The following HERC6 variants were observed in gnomAD, a reference collection of about 807,000 sequenced individuals.
The protein encoded by HERC6 is probable E3 ubiquitin-protein ligase HERC6.
In HERC6, 101 loss-of-function variants were observed where a neutral mutation model predicts 114.5. That is an observed-to-expected ratio of 0.88 (90% CI 0.75 to 1.04). HERC6 has a LOEUF of 1.04. Ranked by LOEUF, HERC6 falls within the 50% of genes least tolerant of loss-of-function variation. The pLI, the probability that HERC6 is intolerant of heterozygous loss-of-function variation, is 0.00. For missense variants in HERC6, 1,133 were observed against 1,230.9 expected, an observed-to-expected ratio of 0.92 and a Z score of 1.19; for synonymous variants, 408 against 436.2, an observed-to-expected ratio of 0.94 and a Z score of 0.81.
intron 13 of HERC6, among the ~76,000 whole-genome samples, chr4:88,420,664 T>C (rs747735352): frequency 1.3e-5 from 2 of 152,124 alleles, no homozygotes; most frequent in Admixed American, 6.6e-5. Context: ...AAATATACAA[T>C]GTCATGCCTG....
At chr4:88,381,657 A>G (rs1734331188) in intron 1 of HERC6, among the ~76,000 whole-genome samples, 2 of 150,164 alleles carry the variant, frequency 1.3e-5, no homozygotes, top group African/African-American at 4.9e-5. Flanking sequence ...TCCCCAGTTC[A>G]AACGGTTCTT....
Position 88,405,630 on chromosome 4 carries a change from A to T in HERC6, c.1274+17A>T. 3 of 1,275,862 alleles carry T rather than the reference A, an allele frequency of 2.4e-6. No homozygotes were observed. The highest frequency in any genetic ancestry group is 1.5e-5 in the African/African-American group (1 of 66,908). The allele number at this position is 1,275,862 out of a possible 1,614,324, so 79.0% of individuals were successfully genotyped here. ...AAAGAAAAGGTAATACTTACATAAG[A>T]TTTACCTTCATTTAAAACACTGGAA... On this transcript the variant is annotated intron_variant, in intron 10 of 22. Transcript: ENST00000264346.
At chr4:88,425,376 G>A (rs1185623707) in intron 15 of HERC6, among the ~76,000 whole-genome samples, 2 of 152,020 alleles carry the variant, frequency 1.3e-5, no homozygotes, top group African/African-American at 4.8e-5. Flanking sequence ...GTTATTTAAT[G>A]TTCTAGTCCT....
intron 22 of HERC6, among the ~76,000 whole-genome samples, chr4:88,441,732 G>A (rs149060831): frequency 6.6e-6 from 1 of 152,154 alleles, no homozygotes; most frequent in Non-Finnish European, 1.5e-5. Context: ...ATAAGCCCAA[G>A]CTGCCTTTCT....
At chr4:88,389,796 G>A (rs1319907052) in intron 3 of HERC6, among the ~76,000 whole-genome samples, 1 of 152,112 alleles carries the variant, frequency 6.6e-6, no homozygotes, top group African/African-American at 2.4e-5. Flanking sequence ...CCTACCATTT[G>A]CAACTTGGAA....
In HERC6 at chr4:88,378,945, C is replaced by T. The variant is rs544078795; in HGVS notation, c.24C>T (p.Asp8=). The T allele has an allele frequency of 7.5e-5, 120 of 1,594,862 alleles. 4 individuals carry two copies. The South Asian group carries it at 1.3e-3, about 17-fold the overall frequency. Residue 8 remains aspartate (D), a synonymous_variant, in exon 1 of 23, where the codon GAC becomes GAT. Coordinates refer to ENST00000264346, the MANE Select transcript of HERC6 (RefSeq NM_017912.4). MYFCWGA[D]SRELQRRRTA... ...GGATGTACTTCTGTTGGGGCGCCGACTCCAGGGAGCTGCAGCGCCGGAGGA... is the reference window on the plus strand; with the variant it reads ...GGATGTACTTCTGTTGGGGCGCCGATTCCAGGGAGCTGCAGCGCCGGAGGA...
At chr4:88,390,912 A>G (rs771508623) in intron 4 of HERC6, 33 bp downstream of exon 4, 3 of 1,549,654 alleles carry the variant, frequency 1.9e-6, no homozygotes, top group East Asian at 4.6e-5. Context: ...GCAGTAAATC[A>G]TTCTTTCTTT....
chr4:88,437,118 G>A (rs796955500), intron 19 of HERC6, 147 bp downstream of exon 19: 19 of 549,000 alleles, frequency 3.5e-5, no homozygotes, highest in African/African-American at 1.8e-4. Context: ...GTACAATGGC[G>A]CGATCTCGGT....
intron 7 of HERC6, 125 bp from the exon 8 acceptor site, chr4:88,398,017 T>G: frequency 3.5e-6 from 2 of 577,322 alleles, no homozygotes; most frequent in East Asian, 3.1e-5. Flanking sequence ...TTTATGCATT[T>G]GTAGTCAAAA....
At chr4:88,417,914 C>T (rs1736650789) in intron 13 of HERC6, among the ~76,000 whole-genome samples, 1 of 151,076 alleles carries the variant, frequency 6.6e-6, no homozygotes, top group South Asian at 2.1e-4. Context: ...CCACTGTACC[C>T]CAGCCTGGGT....
rs532050239 is a variant in HERC6 at position 88,441,959 on chromosome 4, T to C, written c.2843-275T>C. Among the ~76,000 whole-genome samples, 42 of 152,332 alleles carry C rather than the reference T, an allele frequency of 2.8e-4. No individual in the cohort carries two copies. In the South Asian group the frequency reaches 8.3e-3, roughly 30 times the overall value. ...GTGTTTCTCTCCCTGCTGAATCCTT[T>C]AAGCTCCTAACCTCATTCTTCCTAG... is the stretch of plus-strand genomic sequence containing the variant. On this transcript the variant is annotated intron_variant, in intron 22 of 22. Transcript: ENST00000264346.
chr4:88,408,952 A>T (rs951574799), intron 11 of HERC6, among the ~76,000 whole-genome samples: 2 of 152,170 alleles, frequency 1.3e-5, no homozygotes, highest in African/African-American at 4.8e-5. Flanking sequence ...AGATGAAATC[A>T]TAGGGAATAG....
intron 16 of HERC6, among the ~76,000 whole-genome samples, chr4:88,429,157 C>A (rs1444740386): frequency 7.2e-5 from 11 of 152,122 alleles, no homozygotes; most frequent in Non-Finnish European, 1.6e-4. Flanking sequence ...CTGGCTGGAG[C>A]AATTTAGCTC....
intron 12 of HERC6, among the ~76,000 whole-genome samples, chr4:88,414,844 G>T (rs537800158): frequency 1.3e-5 from 2 of 152,062 alleles, no homozygotes; most frequent in African/African-American, 4.8e-5. Flanking sequence ...GCTGACCTCC[G>T]ATCTCATTCT....
At chr4:88,393,337 A>C (rs988621177) in intron 4 of HERC6, 151 bp from the exon 5 acceptor site, 2 of 357,868 alleles carry the variant, frequency 5.6e-6, no homozygotes, top group East Asian at 8.4e-5. Flanking sequence ...ATAAATACTC[A>C]TGAAATCTGA....
chr4:88,442,453 A>C lies in HERC6; in HGVS notation c.3062A>C (p.Gln1021Pro), dbSNP rs375111807. 7.4e-6 allele frequency: 12 copies of C among 1,612,540 alleles called. No homozygotes were observed. In the African/African-American group the frequency reaches 1.6e-4, roughly 22 times the overall value. The change falls in exon 23 of 23, where the codon CAG (glutamine) becomes CCG (proline). Residue 1021 changes from glutamine (Q) to proline (P), a missense_variant. Physicochemically the swap from Gln to Pro is moderately conservative, Grantham distance 76 (BLOSUM62 -1). Coordinates refer to ENST00000264346, the MANE Select transcript of HERC6 (RefSeq NM_017912.4). ...NRGFVSPMLT[Q>P]S is the part of the protein sequence containing the mutation. The stretch of plus-strand genomic sequence containing the variant: ...GGATTTGTCTCACCCATGCTCACAC[A>C]GTCATAATCACCTCTGAGAGACTCA...
intron 17 of HERC6, among the ~76,000 whole-genome samples, chr4:88,432,336 T>C (rs1431022827): frequency 2.0e-5 from 3 of 151,106 alleles, no homozygotes; most frequent in African/African-American, 7.3e-5. Context: ...ACACTGCTGG[T>C]CCCAAGCCTT....
At chr4:88,383,154 C>G (rs1472104027) in intron 1 of HERC6, 67 bp from the exon 2 acceptor site, 6 of 1,554,378 alleles carry the variant, frequency 3.9e-6, no homozygotes, top group Non-Finnish European at 5.2e-6. Context: ...AAAGTGCTGT[C>G]TTAAACTTGT....
chr4:88,405,263 G>A (rs1295598594), intron 9 of HERC6, among the ~76,000 whole-genome samples: 3 of 152,136 alleles, frequency 2.0e-5, no homozygotes, highest in Admixed American at 2.0e-4. Context: ...AAGGTGGACT[G>A]TTTTCATATC....
Sources: gnomAD v4.1 joint callset for allele counts (sites outside exome capture counted in the v4.1 genomes callset) on GRCh38, gnomAD v4.1.1 for gene constraint, MANE v1.5 for transcripts, NCBI Gene and HGNC (gene_info 2026-07-23, HGNC 2026-07-21) for gene names.